The following GPRC5A variants were observed in gnomAD, a reference collection of about 807,000 sequenced individuals.
The protein encoded by GPRC5A is retinoic acid-induced protein 3.
In GPRC5A, 19 loss-of-function variants were observed where a neutral mutation model predicts 22.5. The ratio of observed to expected loss-of-function variants is 0.85; its 90% CI spans 0.59 to 1.24. The LOEUF (loss-of-function observed/expected upper bound fraction) is 1.24. Among genes scored for constraint, GPRC5A ranks in the 50% most tolerant of loss-of-function variants. The pLI is 0.00. For synonymous variants in GPRC5A, 192 were observed against 184.5 expected, an observed-to-expected ratio of 1.04 and a Z score of -0.33; for missense variants, 471 against 451.1, an observed-to-expected ratio of 1.04 and a Z score of -0.40.
intron 1 of GPRC5A, among the ~76,000 whole-genome samples, chr12:12,892,247 G>A (rs975931236): frequency 6.6e-6 from 1 of 152,008 alleles, no homozygotes; most frequent in African/African-American, 2.4e-5. Context: ...TGGGACAGAT[G>A]AAAGTTGAAT....
At chr12:12,912,177 A>G (rs1864012477) in intron 3 of GPRC5A, 35 bp downstream of exon 3, 2 of 1,405,724 alleles carry the variant, frequency 1.4e-6, no homozygotes, top group Admixed American at 1.7e-5. Flanking sequence ...CATCAAAGGC[A>G]TTAGCACCTC....
intron 1 of GPRC5A, among the ~76,000 whole-genome samples, chr12:12,900,891 C>CAAAAAAAAAAAAAAAAAA (rs756416857): frequency 4.6e-4 from 10 of 21,646 alleles, no homozygotes; most frequent in Non-Finnish European, 6.6e-4. Flanking sequence ...AACTCCGTCT[C>CAAAAAAAAAAAAAAAAAA]AAAAAAAAAA....
chr12:12,911,689 C>G (rs1405876719), intron 2 of GPRC5A, among the ~76,000 whole-genome samples: 1 of 152,074 alleles, frequency 6.6e-6, no homozygotes, highest in Non-Finnish European at 1.5e-5. Context: ...GGGGTTTCAC[C>G]TTGTTAGCCA....
chr12:12,895,416 T>G (rs1417877757), intron 1 of GPRC5A, among the ~76,000 whole-genome samples: 1 of 151,722 alleles, frequency 6.6e-6, no homozygotes, highest in Non-Finnish European at 1.5e-5. Flanking sequence ...TTTCTTGTAA[T>G]AATAGTTACT....
chr12:12,902,538 A>C (rs1467357327), intron 1 of GPRC5A, among the ~76,000 whole-genome samples: 2 of 146,876 alleles, frequency 1.4e-5, no homozygotes, highest in Non-Finnish European at 3.0e-5. Flanking sequence ...CGAGAGGGGG[A>C]GGATCCTTTG....
rs1005777285 is a variant in GPRC5A at position 12,914,866 on chromosome 12, C to G, written c.*2327C>G. 6.6e-6 allele frequency: 1 copy of G among 151,860 alleles called. No homozygotes were observed. Among genetic ancestry groups the G allele is most frequent in the African/African-American group, 2.4e-5 (1 of 41,302 alleles). The allele number at this position is 151,860 out of a possible 1,614,324, so 9.4% of individuals were successfully genotyped here. A position where few individuals can be genotyped will look rare whatever the true frequency, so the allele number is the denominator to read the frequency against. ...AACTCCTGATCTTAAGTGATCTGCCCGCCTTGGCCTCCCAAAGTGCTGGGA... is the reference window on the plus strand; with the variant it reads ...AACTCCTGATCTTAAGTGATCTGCCGGCCTTGGCCTCCCAAAGTGCTGGGA... On this transcript the variant is annotated 3_prime_UTR_variant, in exon 4 of 4. Transcript: ENST00000014914.
chr12:12,893,822 C>T (rs572600571), intron 1 of GPRC5A, among the ~76,000 whole-genome samples: 1 of 152,304 alleles, frequency 6.6e-6, no homozygotes, highest in East Asian at 1.9e-4. Flanking sequence ...GACGTGATCT[C>T]GGCTCACTGA....
chr12:12,895,906 T>C (rs1592346650), intron 1 of GPRC5A, among the ~76,000 whole-genome samples: 1 of 135,892 alleles, frequency 7.4e-6, no homozygotes, highest in South Asian at 2.3e-4. Context: ...GGCAGGAGAA[T>C]GGTGTGAACC....
In GPRC5A at chr12:12,912,096, C is replaced by G. The variant is rs758559428; in HGVS notation, c.935C>G (p.Thr312Arg). The G allele has an allele frequency of 3.1e-6, 5 of 1,612,574 alleles. No individual in the cohort carries two copies. The highest frequency in any genetic ancestry group is 4.2e-6 in the Non-Finnish European group (5 of 1,178,564). Reference protein sequence around the residue: ...QEEITQGFEETGDTLYAPYST... With the variant: ...QEEITQGFEERGDTLYAPYST... Reference sequence around the variant, plus strand: ...TCCTCCATTTCAGGTTTTGAAGAGACAGGGGACACGCTCTATGCCCCCTAT... The same window carrying G: ...TCCTCCATTTCAGGTTTTGAAGAGAGAGGGGACACGCTCTATGCCCCCTAT... The change falls in exon 3 of 4, where the codon ACA becomes AGA. Residue 312 changes from threonine (T) to arginine (R), a missense_variant. Physicochemically the swap from Thr to Arg is moderately conservative, Grantham distance 71. Transcript: ENST00000014914.
chr12:12,892,251 G>A (rs140064655), intron 1 of GPRC5A, among the ~76,000 whole-genome samples: 32 of 151,914 alleles, frequency 2.1e-4, no homozygotes, highest in East Asian at 2.0e-3. Flanking sequence ...ACAGATGAAA[G>A]TTGAATGTGC....
chr12:12,892,221 G>C (rs1863767577), intron 1 of GPRC5A, among the ~76,000 whole-genome samples: 1 of 152,130 alleles, frequency 6.6e-6, no homozygotes, highest in Non-Finnish European at 1.5e-5. Flanking sequence ...GGTGTGCCTT[G>C]AGTTGCTCAG....
chr12:12,894,286 C>A (rs186074820), intron 1 of GPRC5A, among the ~76,000 whole-genome samples: 2 of 152,284 alleles, frequency 1.3e-5, no homozygotes, highest in Non-Finnish European at 1.5e-5. Flanking sequence ...ATCCATAGAA[C>A]ATTTACACAA....
chr12:12,904,978 G>A (rs1406572358), intron 1 of GPRC5A, among the ~76,000 whole-genome samples: 8 of 148,888 alleles, frequency 5.4e-5, no homozygotes, highest in Non-Finnish European at 7.4e-5. Flanking sequence ...TCTGCCTCCC[G>A]GGTTCAAGCA....
Position 12,908,619 on chromosome 12 carries a change from C to A in GPRC5A, c.370C>A (p.Arg124=). Residue 124 remains arginine, a synonymous_variant, in exon 2 of 4, where the codon CGG becomes AGG. Coordinates refer to ENST00000014914, the MANE Select transcript of GPRC5A (RefSeq NM_003979.4). ...TGCTGTCAGTCTGACCAAGCTCGTCCGGGGGAGGAAGCCCCTTTCCCTGTT... is the reference window on the plus strand; with the variant it reads ...TGCTGTCAGTCTGACCAAGCTCGTCAGGGGGAGGAAGCCCCTTTCCCTGTT... ...AHAVSLTKLV[R]GRKPLSLLVI... is the part of the protein sequence containing the mutation. The A allele has an allele frequency of 6.2e-7, 1 of 1,613,918 alleles. No homozygotes were observed. Among genetic ancestry groups the A allele is most frequent in the Non-Finnish European group, 8.5e-7 (1 of 1,179,890 alleles).
Position 12,908,466 on chromosome 12 carries a change from C to T in GPRC5A, c.217C>T (p.Leu73=). The change falls in exon 2 of 4, where the codon CTG becomes TTG. Residue 73 remains leucine, a synonymous_variant. Coordinates refer to ENST00000014914, the MANE Select transcript of GPRC5A (RefSeq NM_003979.4). The part of the protein sequence containing the change: ...KMLPTQFLFL[L]GVLGIFGLTF... ...GCTGCCTACTCAGTTTCTCTTCCTC[C>T]TGGGTGTGTTGGGCATCTTTGGCCT... The T allele has an allele frequency of 6.2e-7, 1 of 1,614,070 alleles. No individual in the cohort carries two copies.
At chr12:12,892,999 C>T (rs192258594) in intron 1 of GPRC5A, among the ~76,000 whole-genome samples, 1 of 152,236 alleles carries the variant, frequency 6.6e-6, no homozygotes, top group Non-Finnish European at 1.5e-5. Context: ...CCGGGAGAGG[C>T]GCTACGTGGG....
intron 1 of GPRC5A, among the ~76,000 whole-genome samples, chr12:12,905,921 A>G (rs1644752204): frequency 6.6e-6 from 1 of 152,136 alleles, no homozygotes; most frequent in Non-Finnish European, 1.5e-5. Context: ...GGGATCTCCT[A>G]TCCTCCTGGG....
rs755540516 is a variant in GPRC5A at position 12,913,455 on chromosome 12, G to C, written c.*916G>C. Reference sequence around the variant, plus strand: ...TTGCTCCTTGTCAGGAGAATTTGTAGATCATTCTCACTTCAAATTCCTGGG... The same window carrying C: ...TTGCTCCTTGTCAGGAGAATTTGTACATCATTCTCACTTCAAATTCCTGGG... On this transcript the variant is annotated 3_prime_UTR_variant, in exon 4 of 4. Transcript: ENST00000014914. 2 of 152,216 alleles carry C rather than the reference G, an allele frequency of 1.3e-5. No individual in the cohort carries two copies. The highest frequency in any genetic ancestry group is 2.9e-5 in the Non-Finnish European group (2 of 68,042). The allele number at this position is 152,216 out of a possible 1,614,324, so 9.4% of individuals were successfully genotyped here. A position where few individuals can be genotyped will look rare whatever the true frequency, so the allele number is the denominator to read the frequency against.
At position 12,912,142 on chromosome 12, in the gene GPRC5A, G is replaced by A; in HGVS notation, c.981G>A (p.Gln327=). The A allele has an allele frequency of 6.2e-7, 1 of 1,607,838 alleles. No individual in the cohort carries two copies. The highest frequency in any genetic ancestry group is 1.7e-5 in the Admixed American group (1 of 59,984). ...YAPYSTHFQL[Q]NQPPQKEFSI... ...CCTATTCCACACATTTTCAGCTGCAGGTAAGTGATTTTTTTCTCCCTCTTC... is the reference window on the plus strand; with the variant it reads ...CCTATTCCACACATTTTCAGCTGCAAGTAAGTGATTTTTTTCTCCCTCTTC... The change falls in exon 3 of 4, where the codon CAG becomes CAA. Residue 327 remains glutamine (Q), a splice_region_variant and synonymous_variant. Transcript: ENST00000014914.
Sources: allele counts gnomAD v4.1 joint callset (sites outside exome capture counted in the v4.1 genomes callset), GRCh38; gene constraint gnomAD v4.1.1; transcripts MANE v1.5; gene names NCBI Gene and HGNC (gene_info 2026-07-23, HGNC 2026-07-21).